ZNF592: variants seen among roughly 807,000 people sequenced by gnomAD.
ZNF592 encodes the protein spinocerebellar ataxia, autosomal recessive 5.
A neutral mutation model predicts 80.3 loss-of-function variants in ZNF592; 11 were observed. That is an observed-to-expected ratio of 0.14 (90% CI 0.09 to 0.23). ZNF592 has a LOEUF of 0.23. ZNF592 is among the 10% of genes least tolerant of loss of function. The pLI, the probability that ZNF592 is intolerant of heterozygous loss-of-function variation, is 1.00. For synonymous variants in ZNF592, 646 were observed against 640.3 expected (o/e 1.01, Z -0.13); for missense variants, 1,420 against 1,633.9 (o/e 0.87, Z 2.26).
At chr15:84,757,607 G>A (rs1456774621) in intron 1 of ZNF592, among the ~76,000 whole-genome samples, 1 of 151,648 alleles carries the variant, frequency 6.6e-6, no homozygotes, top group African/African-American at 2.4e-5. Flanking sequence ...TTCCACCTCG[G>A]CCTCCCAAAA....
intron 3 of ZNF592, among the ~76,000 whole-genome samples, chr15:84,781,390 A>AT (rs75113679): frequency 0.01 from 1,321 of 129,172 alleles, 7 homozygotes; most frequent in Middle Eastern, 0.013. Context: ...TCTATCAAGT[A>AT]TTTTTTTTTT....
intron 2 of ZNF592, among the ~76,000 whole-genome samples, chr15:84,765,761 T>A (rs1899497999): frequency 6.6e-6 from 1 of 151,912 alleles, no homozygotes; most frequent in African/African-American, 2.4e-5. Flanking sequence ...ATGGTCTCCA[T>A]CTCTTGACCT....
intron 2 of ZNF592, among the ~76,000 whole-genome samples, chr15:84,771,949 T>G (rs1026289668): frequency 1.3e-5 from 2 of 152,184 alleles, no homozygotes; most frequent in Non-Finnish European, 2.9e-5. Flanking sequence ...CTAGATTAAT[T>G]TGCCCAGCTG....
rs759072074 is a variant in ZNF592 at position 84,759,954 on chromosome 15, T to TCCCCCCCCCC, written c.-258-4750_-258-4741dup. ...CCAAGTCTTTAAGGATTGGGGAGAT[T>TCCCCCCCCCC]CCCCCCCCCCCCACCCTGCCATTTA... On this transcript the variant is annotated intron_variant, in intron 1 of 10. Coordinates refer to ENST00000560079, the MANE Select transcript of ZNF592 (RefSeq NM_014630.3). Among the ~76,000 whole-genome samples, 24 of 49,712 alleles carry TCCCCCCCCCC rather than the reference T, an allele frequency of 4.8e-4. 2 individuals are homozygous for TCCCCCCCCCC. Among genetic ancestry groups the TCCCCCCCCCC allele is most frequent in the African/African-American group, 1.7e-3 (18 of 10,394 alleles). 32.6% of individuals were successfully genotyped at this position (49,712 alleles called of 152,430 possible).
intron 2 of ZNF592, among the ~76,000 whole-genome samples, chr15:84,776,185 C>T (rs565585640): frequency 2.3e-4 from 35 of 152,316 alleles, no homozygotes; most frequent in African/African-American, 7.9e-4. Context: ...CAGGGTGAGC[C>T]TCTGACAAAG....
In ZNF592 at chr15:84,799,024, C is replaced by T; in HGVS notation, c.3025-74C>T. On this transcript the variant is annotated intron_variant, in intron 8 of 10. Transcript: ENST00000560079. The surrounding 1 kb of genome is among the most constrained non-coding windows in gnomAD (Gnocchi z 4.2). The stretch of plus-strand genomic sequence containing the variant: ...GGAGTATCCTCCTTTCTGCCCATGG[C>T]ATCTGAGAAGAAAAATGCACCCAGA... 1 of 1,595,544 alleles carries T rather than the reference C, an allele frequency of 6.3e-7. No homozygotes were observed. The highest frequency in any genetic ancestry group is 1.1e-5 in the South Asian group (1 of 90,696).
In ZNF592 at chr15:84,798,596, C is replaced by T. The variant is rs1425307396; in HGVS notation, c.2745C>T (p.His915=). The change falls in exon 8 of 11, where the codon CAC becomes CAT. Residue 915 remains histidine, a synonymous_variant. Transcript: ENST00000560079. The surrounding 1 kb of genome is among the most constrained non-coding windows in gnomAD (Gnocchi z 4.5). The stretch of plus-strand genomic sequence containing the variant: ...GCTCTCCCCATCCCCAGAGCACCCA[C>T]GGTGTTCCCCGAAATGTGGACGAGC... The part of the protein sequence containing the change: ...PELMQHVKST[H]GVPRNVDELS... 13 of 1,614,016 alleles carry T rather than the reference C, an allele frequency of 8.1e-6. No individual in the cohort carries two copies. The highest frequency in any genetic ancestry group is 4.0e-5 in the African/African-American group (3 of 74,934).
At chr15:84,755,392 G>C (rs1451442450) in intron 1 of ZNF592, among the ~76,000 whole-genome samples, 2 of 151,992 alleles carry the variant, frequency 1.3e-5, no homozygotes, top group Non-Finnish European at 2.9e-5. Flanking sequence ...TTAGCCTCTT[G>C]AGTAGCTGGG....
At chr15:84,777,694 CTTTTTTTTTT>C (rs397854471) in intron 2 of ZNF592, among the ~76,000 whole-genome samples, 27 of 98,426 alleles carry the variant, frequency 2.7e-4, no homozygotes, top group African/African-American at 9.1e-4. Context: ...TGTTGAGATA[CTTTTTTTTTT>C]TTTTTTTTTT....
intron 5 of ZNF592, among the ~76,000 whole-genome samples, chr15:84,792,444 G>A (rs545370481): frequency 2.9e-4 from 44 of 152,272 alleles, no homozygotes; most frequent in African/African-American, 1.0e-3. Context: ...CTGTCTTGGG[G>A]TAAACATTTT....
At chr15:84,751,617 G>T (rs570326794) in intron 1 of ZNF592, among the ~76,000 whole-genome samples, 11 of 150,592 alleles carry the variant, frequency 7.3e-5, no homozygotes, top group Admixed American at 7.3e-4. Context: ...TTTTAAACTG[G>T]AGACAAGCTG....
intron 1 of ZNF592, among the ~76,000 whole-genome samples, chr15:84,759,869 G>A (rs2141962965): frequency 6.6e-6 from 1 of 152,018 alleles, no homozygotes; most frequent in Non-Finnish European, 1.5e-5. Context: ...TGGGACATAG[G>A]GTACAGCGTG....
At chr15:84,785,865 T>A (rs1321286583) in intron 4 of ZNF592, among the ~76,000 whole-genome samples, 15 of 140,294 alleles carry the variant, frequency 1.1e-4, no homozygotes, top group South Asian at 2.3e-4. Flanking sequence ...GAGATTCATT[T>A]AAAAAAAAAA....
At chr15:84,770,818 C>T (rs1420183393) in intron 2 of ZNF592, among the ~76,000 whole-genome samples, 1 of 152,200 alleles carries the variant, frequency 6.6e-6, no homozygotes, top group East Asian at 1.9e-4. Flanking sequence ...GTCTGTCCAG[C>T]AGCGGCCTTC....
At position 84,798,303 on chromosome 15, in the gene ZNF592, T is replaced by C; in HGVS notation, c.2577-12T>C. On this transcript the variant is annotated splice_polypyrimidine_tract_variant and intron_variant, in intron 6 of 10. Coordinates refer to ENST00000560079, the MANE Select transcript of ZNF592 (RefSeq NM_014630.3). The surrounding 1 kb of genome is among the most constrained non-coding windows in gnomAD (Gnocchi z 4.5). ...CCTTGGCCACCTCACCCCCTAGGGCTTGTCTCATCAGGCTCATTTATAAGT... is the reference window on the plus strand; with the variant it reads ...CCTTGGCCACCTCACCCCCTAGGGCCTGTCTCATCAGGCTCATTTATAAGT... 1 of 1,614,150 alleles carries C rather than the reference T, an allele frequency of 6.2e-7. No homozygotes were observed. The highest frequency in any genetic ancestry group is 8.5e-7 in the Non-Finnish European group (1 of 1,180,034).
intron 1 of ZNF592, among the ~76,000 whole-genome samples, chr15:84,756,188 G>A (rs772534624): frequency 2.0e-5 from 3 of 152,152 alleles, no homozygotes; most frequent in East Asian, 3.8e-4. Flanking sequence ...CCCCTTTTAG[G>A]GGTTTAGCTC....
intron 2 of ZNF592, among the ~76,000 whole-genome samples, chr15:84,770,417 A>G (rs1216597443): frequency 6.6e-6 from 1 of 152,210 alleles, no homozygotes; most frequent in Non-Finnish European, 1.5e-5. Flanking sequence ...GTGAGGAAGA[A>G]TAAATAAAGC....
intron 2 of ZNF592, among the ~76,000 whole-genome samples, chr15:84,765,535 G>GTTTTTTTT (rs71453265): frequency 1.6e-4 from 15 of 92,278 alleles, no homozygotes; most frequent in Non-Finnish European, 2.0e-4. Context: ...TGTTATTATT[G>GTTTTTTTT]TTTTTTTTTT....
At chr15:84,764,900 G>GT (rs1220409041) in intron 2 of ZNF592, 85 bp downstream of exon 2, 9 of 274,522 alleles carry the variant, frequency 3.3e-5, no homozygotes, top group Non-Finnish European at 4.1e-5. Context: ...ATTTTGTTTT[G>GT]TTTTGTTTTG....
Sources: gnomAD v4.1 joint callset for allele counts (sites outside exome capture counted in the v4.1 genomes callset) on GRCh38, gnomAD v4.1.1 for gene constraint, Gnocchi (gnomAD v3.1) non-coding constraint, MANE v1.5 for transcripts, NCBI Gene and HGNC (gene_info 2026-07-23, HGNC 2026-07-21) for gene names.